The following FOCAD variants were observed in gnomAD, a reference collection of about 807,000 sequenced individuals.
The protein encoded by FOCAD is KIAA1797.
FOCAD carries 198 observed loss-of-function variants against 225.6 expected under a neutral mutation model. The observed-to-expected ratio is 0.88, with a 90% CI of 0.78 to 0.99. The LOEUF (loss-of-function observed/expected upper bound fraction) is 0.99, where lower values mean the gene tolerates loss of function less well. Ranked by LOEUF, FOCAD falls within the 50% of genes least tolerant of loss-of-function variation. The pLI, the probability that FOCAD is intolerant of heterozygous loss-of-function variation, is 0.00. For missense variants in FOCAD, 2,713 were observed against 2,123.6 expected (o/e 1.28, Z -5.46); for synonymous variants, 897 against 755.0 (o/e 1.19, Z -3.08).
intron 5 of FOCAD, 25 bp from the exon 6 acceptor site, chr9:20,758,065 C>T: frequency 6.6e-7 from 1 of 1,522,714 alleles, no homozygotes; most frequent in Non-Finnish European, 9.0e-7. Context: ...TAACAGGTTC[C>T]CATGTGACTT....
intron 5 of FOCAD, among the ~76,000 whole-genome samples, chr9:20,751,845 C>T (rs36151538): frequency 0.27 from 37,276 of 140,656 alleles, 5,900 homozygotes; most frequent in Non-Finnish European, 0.35. Flanking sequence ...TTAATGATTG[C>T]CATTCTAACT....
intron 3 of FOCAD, 79 bp from the exon 4 acceptor site, chr9:20,720,301 A>G (rs1182819392): frequency 2.1e-6 from 3 of 1,400,450 alleles, no homozygotes; most frequent in Admixed American, 1.9e-5. Flanking sequence ...CAAATTACTC[A>G]TTGATGAATG....
At position 20,819,811 on chromosome 9, in the gene FOCAD, C is replaced by A; in HGVS notation, c.1471C>A (p.Pro491Thr). The A allele has an allele frequency of 6.5e-7, 1 of 1,528,552 alleles. No homozygotes were observed. The highest frequency in any genetic ancestry group is 1.4e-5 in the South Asian group (1 of 74,056). The allele number at this position is 1,528,552 out of a possible 1,614,324, so 94.7% of individuals were successfully genotyped here. A position where few individuals can be genotyped will look rare whatever the true frequency, so the allele number is the denominator to read the frequency against. ...TTCATTTTAGGTGCCAAATCTGATT[C>A]CAGTTTTGATGTTCAAATTGGGAAG... ...ADSSQVPNLI[P>T]VLMFKLGRPL... Residue 491 changes from proline (P) to threonine (T), a missense_variant, in exon 12 of 44, where the codon CCA (proline) becomes ACA (threonine). Physicochemically the swap from Pro to Thr is conservative, Grantham distance 38 (BLOSUM62 -1). Coordinates refer to ENST00000338382, the MANE Select transcript of FOCAD (RefSeq NM_001375567.1).
intron 6 of FOCAD, among the ~76,000 whole-genome samples, chr9:20,761,535 C>T (rs1382295921): frequency 6.6e-6 from 1 of 152,122 alleles, no homozygotes; most frequent in South Asian, 2.1e-4. Context: ...ATTCTTCTGC[C>T]TCAGCCTCCT....
Position 20,778,662 on chromosome 9 carries a change from TC to T in FOCAD, c.907-14del. 1.4e-6 allele frequency: 2 copies of T among 1,438,102 alleles called. No individual in the cohort carries two copies. The highest frequency in any genetic ancestry group is 9.8e-7 in the Non-Finnish European group (1 of 1,022,112). 89.1% of individuals were successfully genotyped at this position (1,438,102 alleles called of 1,614,324 possible). ...GGGAACTTCTTTAACAACTCCTTTTTCCCCCTCTATTCTTTTAGGATTTTCC... is the reference window on the plus strand; with the variant it reads ...GGGAACTTCTTTAACAACTCCTTTTTCCCCTCTATTCTTTTAGGATTTTCC... On this transcript the variant is annotated intron_variant, in intron 8 of 43. Coordinates refer to ENST00000338382, the MANE Select transcript of FOCAD (RefSeq NM_001375567.1).
intron 15 of FOCAD, among the ~76,000 whole-genome samples, chr9:20,836,292 C>T (rs1039886568): frequency 2.6e-5 from 4 of 152,046 alleles, no homozygotes; most frequent in African/African-American, 9.7e-5. Flanking sequence ...GGCAGGTTTT[C>T]TCAGCTGTGT....
chr9:20,797,874 C>T (rs1295798632), intron 11 of FOCAD, among the ~76,000 whole-genome samples: 1 of 152,120 alleles, frequency 6.6e-6, no homozygotes, highest in East Asian at 1.9e-4. Context: ...CCAGAACTTC[C>T]AACACTATGT....
chr9:20,970,841 C>T (rs1043643857), intron 35 of FOCAD, among the ~76,000 whole-genome samples: 1 of 151,994 alleles, frequency 6.6e-6, no homozygotes, highest in African/African-American at 2.4e-5. Flanking sequence ...AAATATGTAA[C>T]ATAAAATTTA....
chr9:20,871,265 A>G (rs544430052), intron 18 of FOCAD, among the ~76,000 whole-genome samples: 10 of 152,130 alleles, frequency 6.6e-5, no homozygotes, highest in African/African-American at 2.4e-4. Context: ...AACAAAGCTT[A>G]GTTATAATAG....
intron 4 of FOCAD, among the ~76,000 whole-genome samples, chr9:20,735,512 T>A (rs967812945): frequency 1.4e-4 from 20 of 144,826 alleles, no homozygotes; most frequent in African/African-American, 5.0e-4. Flanking sequence ...CTTCCCCTCC[T>A]CTTTTCCTTC....
chr9:20,987,065 A>AGTTCT (rs1841240565), intron 40 of FOCAD, among the ~76,000 whole-genome samples: 2 of 152,174 alleles, frequency 1.3e-5, no homozygotes, highest in Non-Finnish European at 2.9e-5. Context: ...CAATTTCTGG[A>AGTTCT]GACTACATTC....
upstream of FOCAD, among the ~76,000 whole-genome samples, chr9:20,656,960 T>C (rs1335486303): frequency 1.3e-5 from 2 of 151,950 alleles, no homozygotes; most frequent in East Asian, 1.9e-4. Context: ...GGAGCTCTTT[T>C]AGGGCAGGCC....
intron 18 of FOCAD, among the ~76,000 whole-genome samples, chr9:20,868,694 C>T (rs778957544): frequency 4.6e-5 from 7 of 151,840 alleles, no homozygotes; most frequent in Non-Finnish European, 8.8e-5. Context: ...CCTTTTGTAG[C>T]TATGCTTTTC....
chr9:20,728,057 G>A (rs932766331), intron 4 of FOCAD, among the ~76,000 whole-genome samples: 5 of 152,164 alleles, frequency 3.3e-5, no homozygotes, highest in Non-Finnish European at 5.9e-5. Flanking sequence ...ATACACAGTA[G>A]TAATTATGCC....
chr9:20,765,836 C>T (rs1393309846), intron 7 of FOCAD, among the ~76,000 whole-genome samples: 2 of 152,194 alleles, frequency 1.3e-5, no homozygotes, highest in East Asian at 1.9e-4. Flanking sequence ...CCTGGAATCG[C>T]AGCACCATGC....
intron 21 of FOCAD, among the ~76,000 whole-genome samples, chr9:20,889,500 C>A (rs542259184): frequency 1.1e-4 from 16 of 152,270 alleles, no homozygotes; most frequent in Non-Finnish European, 1.6e-4. Context: ...AAAATACCAT[C>A]TTTTATTCAC....
At chr9:20,814,557 A>G (rs1823454084) in intron 11 of FOCAD, among the ~76,000 whole-genome samples, 1 of 151,998 alleles carries the variant, frequency 6.6e-6, no homozygotes, top group East Asian at 1.9e-4. Flanking sequence ...GGATTTCACT[A>G]TGTTGACCAG....
rs1212852158 is a variant in FOCAD, at chr9:20,885,682, T to C, written c.2625+452T>C. 4.6e-5 allele frequency among the ~76,000 whole-genome samples: 7 copies of C among 152,228 alleles called. No individual in the cohort carries two copies. The South Asian group carries it at 1.0e-3, about 23-fold the overall frequency. Reference sequence around the variant, plus strand: ...TGTTTATTTTACTTTTCCTTTCAGCTACCTTTTAAAAATAAAGTTCTGTGA... The same window carrying C: ...TGTTTATTTTACTTTTCCTTTCAGCCACCTTTTAAAAATAAAGTTCTGTGA... On this transcript the variant is annotated intron_variant, in intron 21 of 43. Coordinates refer to ENST00000338382, the MANE Select transcript of FOCAD (RefSeq NM_001375567.1).
At chr9:20,714,634 GCCTTCCTTCCTTCCTTCCTTCCTT>G (rs749635014) in intron 1 of FOCAD, among the ~76,000 whole-genome samples, 4 of 120,062 alleles carry the variant, frequency 3.3e-5, no homozygotes, top group African/African-American at 1.1e-4. Flanking sequence ...CTGCCTGCCT[GCCTTCCTTCCTTCCTTCCTTCCTT>G]CCTTCCTTCC....
Sources: allele counts gnomAD v4.1 joint callset (sites outside exome capture counted in the v4.1 genomes callset), GRCh38; gene constraint gnomAD v4.1.1; transcripts MANE v1.5; gene names NCBI Gene and HGNC (gene_info 2026-07-23, HGNC 2026-07-21).